The following BTBD9 variants were observed in gnomAD, a reference collection of about 807,000 sequenced individuals.
BTBD9 encodes BTB/POZ domain-containing protein 9.
Under a neutral mutation model 64.3 loss-of-function variants are expected in BTBD9, and 49 were observed. That is an observed-to-expected ratio of 0.76 (90% CI 0.61 to 0.97). The LOEUF is 0.97. Among genes scored for constraint, BTBD9 ranks in the 50% least tolerant of loss-of-function variants. BTBD9 has a pLI of 0.00. For missense variants in BTBD9, 598 were observed against 762.1 expected, an observed-to-expected ratio of 0.78 and a Z score of 2.53; for synonymous variants, 260 against 274.7, an observed-to-expected ratio of 0.95 and a Z score of 0.53.
intron 9 of BTBD9, among the ~76,000 whole-genome samples, chr6:38,230,600 A>G (rs551471856): frequency 2.0e-5 from 3 of 151,396 alleles, no homozygotes; most frequent in South Asian, 2.1e-4. Context: ...AATTCACACT[A>G]CTTACCAAAC....
At chr6:38,362,594 T>C (rs1162195800) in intron 6 of BTBD9, among the ~76,000 whole-genome samples, 1 of 152,234 alleles carries the variant, frequency 6.6e-6, no homozygotes, top group Non-Finnish European at 1.5e-5. Flanking sequence ...GTATAGAGTA[T>C]GAAACGTGAT....
intron 7 of BTBD9, among the ~76,000 whole-genome samples, chr6:38,334,178 T>C (rs1763790434): frequency 6.6e-6 from 1 of 152,198 alleles, no homozygotes; most frequent in Non-Finnish European, 1.5e-5. Context: ...GGAAGACATT[T>C]CTAAACAACA....
intron 1 of BTBD9, among the ~76,000 whole-genome samples, chr6:38,601,470 G>A (rs548466775): frequency 7.9e-5 from 12 of 152,226 alleles, no homozygotes; most frequent in African/African-American, 2.6e-4. Flanking sequence ...CACTTTGGGA[G>A]GCTAAGATAT....
intron 8 of BTBD9, among the ~76,000 whole-genome samples, chr6:38,269,802 C>G (rs1464177516): frequency 6.6e-6 from 1 of 152,190 alleles, no homozygotes; most frequent in African/African-American, 2.4e-5. Context: ...AAAGCATTCC[C>G]TCTTTGGAAT....
intron 8 of BTBD9, among the ~76,000 whole-genome samples, chr6:38,261,846 C>T (rs1002070909): frequency 9.2e-5 from 14 of 152,156 alleles, no homozygotes; most frequent in South Asian, 2.1e-4. Context: ...GGGACACTGA[C>T]GGATCTCAGG....
intron 6 of BTBD9, among the ~76,000 whole-genome samples, chr6:38,546,189 A>G (rs937520962): frequency 3.3e-5 from 5 of 152,198 alleles, no homozygotes; most frequent in Non-Finnish European, 5.9e-5. Flanking sequence ...CCTTCCTGTT[A>G]GACTTTCTTG....
rs577462106 is a variant in BTBD9 at position 38,332,664 on chromosome 6, G to A, written c.1264+12320C>T. Among the ~76,000 whole-genome samples, 7 of 151,170 alleles carry A rather than the reference G, an allele frequency of 4.6e-5. No individual in the cohort carries two copies. The South Asian group carries it at 1.5e-3, about 32-fold the overall frequency. ...GATATTTTTACTTATTTATTCTCTT[G>A]GAAAATATTTTAAAATAACTGAGCA... On this transcript the variant is annotated intron_variant, in intron 7 of 10. Transcript: ENST00000481247.
chr6:38,299,556 G>A (rs1685565451), intron 7 of BTBD9, among the ~76,000 whole-genome samples: 1 of 152,066 alleles, frequency 6.6e-6, no homozygotes, highest in Non-Finnish European at 1.5e-5. Context: ...ATTCTAACTG[G>A]TGTGAGATGG....
chr6:38,217,716 T>A (rs1219585678), intron 9 of BTBD9, among the ~76,000 whole-genome samples: 1 of 150,984 alleles, frequency 6.6e-6, no homozygotes, highest in African/African-American at 2.4e-5. Flanking sequence ...TTTTTTTAAC[T>A]GAGAGAGACA....
chr6:38,588,003 A>T (rs1285976686), intron 4 of BTBD9: 2 of 742,450 alleles, frequency 2.7e-6, no homozygotes, highest in African/African-American at 3.4e-5. Flanking sequence ...CCAGGAGTTC[A>T]GCCACAGCAA....
intron 6 of BTBD9, among the ~76,000 whole-genome samples, chr6:38,469,387 C>T (rs1224743745): frequency 2.1e-5 from 3 of 145,470 alleles, no homozygotes; most frequent in Non-Finnish European, 4.5e-5. Context: ...GGCATGATCT[C>T]GGCTCACTGC....
intron 6 of BTBD9, among the ~76,000 whole-genome samples, chr6:38,505,261 T>C (rs1034883642): frequency 1.3e-5 from 2 of 152,238 alleles, no homozygotes; most frequent in Non-Finnish European, 1.5e-5. Flanking sequence ...TATCTGTCTA[T>C]AGACCAAATC....
intron 9 of BTBD9, among the ~76,000 whole-genome samples, chr6:38,213,394 T>G (rs573337514): frequency 6.7e-6 from 1 of 149,044 alleles, no homozygotes; most frequent in Non-Finnish European, 1.5e-5. Context: ...AAAAAAAAAA[T>G]GTTTTCCTAT....
chr6:38,414,391 T>G (rs138638147), intron 6 of BTBD9, among the ~76,000 whole-genome samples: 187 of 152,318 alleles, frequency 1.2e-3, no homozygotes, highest in African/African-American at 4.4e-3. Flanking sequence ...TCCCAATAAA[T>G]TTTACTCATT....
At chr6:38,617,874 T>C (rs892452274) in intron 1 of BTBD9, among the ~76,000 whole-genome samples, 1 of 152,016 alleles carries the variant, frequency 6.6e-6, no homozygotes, top group Non-Finnish European at 1.5e-5. Context: ...TGAGAATGCA[T>C]CCGTAAGGGC....
chr6:38,482,593 A>C (rs906011420), intron 6 of BTBD9: 1 of 152,054 alleles, frequency 6.6e-6, no homozygotes, highest in Non-Finnish European at 1.5e-5. Flanking sequence ...AGTCCTTTCT[A>C]CTGATGTAGC....
At chr6:38,633,532 A>T (rs1223824212) in intron 1 of BTBD9, among the ~76,000 whole-genome samples, 1 of 152,182 alleles carries the variant, frequency 6.6e-6, no homozygotes. Flanking sequence ...AATCAAGAAA[A>T]TAGGGACACA....
chr6:38,201,027 A>T (rs940838161), intron 9 of BTBD9, among the ~76,000 whole-genome samples: 51 of 151,836 alleles, frequency 3.4e-4, no homozygotes, highest in African/African-American at 1.2e-3. Flanking sequence ...CTATAAAAAA[A>T]ATAAAGTAAA....
At chr6:38,376,671 G>A (rs1053098689) in intron 6 of BTBD9, among the ~76,000 whole-genome samples, 2 of 152,110 alleles carry the variant, frequency 1.3e-5, no homozygotes, top group African/African-American at 4.8e-5. Flanking sequence ...ACCCTGCAAT[G>A]CACATCAAAT....
Sources: allele counts gnomAD v4.1 joint callset (sites outside exome capture counted in the v4.1 genomes callset), GRCh38; gene constraint gnomAD v4.1.1; transcripts MANE v1.5; gene names NCBI Gene and HGNC (gene_info 2026-07-23, HGNC 2026-07-21).